Variants in RAB3C observed in about 807,000 individuals in gnomAD.
RAB3C encodes the protein ras-related protein Rab-3C.
Under a neutral mutation model 26.4 loss-of-function variants are expected in RAB3C, and 17 were observed. The observed-to-expected ratio is 0.64, with a 90% confidence interval of 0.44 to 0.97. The LOEUF (loss-of-function observed/expected upper bound fraction) is 0.97. RAB3C is among the 50% of genes least tolerant of loss of function. RAB3C has a pLI of 0.00. For missense variants in RAB3C, 242 were observed against 281.9 expected (o/e 0.86, Z 1.01); for synonymous variants, 91 against 95.9 (o/e 0.95, Z 0.30).
chr5:58,712,097 C>T (rs1749072867), intron 2 of RAB3C, among the ~76,000 whole-genome samples: 1 of 152,174 alleles, frequency 6.6e-6, no homozygotes, highest in African/African-American at 2.4e-5. Flanking sequence ...TGGAAACCTG[C>T]ACCAACCGTC....
In RAB3C at chr5:58,856,958, G is replaced by C. The variant is rs760676420; in HGVS notation, c.*5607G>C. 18 of 152,178 alleles carry C rather than the reference G, an allele frequency of 1.2e-4. No homozygotes were observed. The highest frequency in any genetic ancestry group is 2.1e-4 in the South Asian group (1 of 4,836). 9.4% of individuals were successfully genotyped at this position (152,178 alleles called of 1,614,324 possible). ...TTAATGTCAGACGTGATGTGATACC[G>C]TTAGACTGTCCAAATGTACAACAAT... On this transcript the variant is annotated 3_prime_UTR_variant, in exon 5 of 5. Coordinates refer to ENST00000282878, the MANE Select transcript of RAB3C (RefSeq NM_138453.4).
chr5:58,790,592 A>G (rs1742498601), intron 3 of RAB3C, among the ~76,000 whole-genome samples: 1 of 152,080 alleles, frequency 6.6e-6, no homozygotes, highest in Admixed American at 6.6e-5. Flanking sequence ...TAAAAATCAA[A>G]TCTAATATAT....
chr5:58,823,091 C>T, intron 3 of RAB3C: 1 of 494,966 alleles, frequency 2.0e-6, no homozygotes, highest in South Asian at 1.7e-5. Context: ...TGCAGAAGCG[C>T]ATGGGAAACA....
At chr5:58,671,776 T>C (rs1240973639) in intron 2 of RAB3C, among the ~76,000 whole-genome samples, 2 of 152,206 alleles carry the variant, frequency 1.3e-5, no homozygotes, top group Non-Finnish European at 2.9e-5. Flanking sequence ...GGTGTGCTGA[T>C]AGCCAAGATC....
rs1579881331 is a variant in RAB3C at position 58,725,906 on chromosome 5, T to C, written c.253-96T>C. ...ACAGCTATACACAACAAGTACATTT[T>C]AGACTCTATTGTGACTCTTTTTGGA... On this transcript the variant is annotated intron_variant, in intron 2 of 4. Transcript: ENST00000282878. The C allele has an allele frequency of 6.3e-5, 43 of 679,568 alleles. No individual in the cohort carries two copies. In the South Asian group the frequency reaches 7.4e-4, roughly 12 times the overall value. The allele number at this position is 679,568 out of a possible 1,614,324, so 42.1% of individuals were successfully genotyped here.
At chr5:58,740,960 G>T (rs1235591359) in intron 3 of RAB3C, among the ~76,000 whole-genome samples, 1 of 152,026 alleles carries the variant, frequency 6.6e-6, no homozygotes, top group Non-Finnish European at 1.5e-5. Flanking sequence ...GAGTCCTCAG[G>T]GCCACCCTCA....
intron 3 of RAB3C, among the ~76,000 whole-genome samples, chr5:58,806,585 G>A (rs184932621): frequency 6.6e-6 from 1 of 152,132 alleles, no homozygotes; most frequent in Non-Finnish European, 1.5e-5. Flanking sequence ...CACTATGGAC[G>A]TTTGTTGGGA....
intron 3 of RAB3C, among the ~76,000 whole-genome samples, chr5:58,813,809 A>C (rs1423104709): frequency 1.4e-5 from 1 of 71,760 alleles, no homozygotes; most frequent in Admixed American, 1.1e-4. Context: ...AGGAATGCAG[A>C]AATGAATTTA....
intron 3 of RAB3C, among the ~76,000 whole-genome samples, chr5:58,801,192 T>C (rs1157036): frequency 0.55 from 83,948 of 152,006 alleles, 23,615 homozygotes; most frequent in Middle Eastern, 0.66. Flanking sequence ...ATACAAGCCA[T>C]TGAGGAACTG....
Position 58,634,040 on chromosome 5 carries a change from C to G in RAB3C, c.252+16170C>G, listed in dbSNP as rs1166496036. ...CCTGTAGTCCCAGCTACTCAGGAGG[C>G]TGAGGCAGGAGAATGGCGTCAACCC... On this transcript the variant is annotated intron_variant, in intron 2 of 4. Coordinates refer to ENST00000282878, the MANE Select transcript of RAB3C (RefSeq NM_138453.4). Among the ~76,000 whole-genome samples the G allele has an allele frequency of 2.0e-5, 3 of 151,204 alleles. No individual in the cohort carries two copies. In the East Asian group the frequency reaches 5.8e-4, roughly 29 times the overall value.
At chr5:58,712,611 G>C (rs901042615) in intron 2 of RAB3C, among the ~76,000 whole-genome samples, 1 of 152,086 alleles carries the variant, frequency 6.6e-6, no homozygotes, top group South Asian at 2.1e-4. Context: ...TTCAACCTCT[G>C]CCTCCCGGGT....
Position 58,851,256 on chromosome 5 carries a change from G to A in RAB3C, c.589G>A (p.Glu197Lys). 1 of 1,613,988 alleles carries A rather than the reference G, an allele frequency of 6.2e-7. No individual in the cohort carries two copies. Among genetic ancestry groups the A allele is most frequent in the Non-Finnish European group, 8.5e-7 (1 of 1,179,924 alleles). ...LVDIICDKMS[E>K]SLETDPAITA... is the part of the protein sequence containing the mutation. ...GGATATCATCTGCGACAAAATGTCA[G>A]AGAGTTTGGAGACTGATCCTGCCAT... The change falls in exon 5 of 5, where the codon GAG (glutamate) becomes AAG (lysine). Residue 197 changes from glutamate (E) to lysine (K), a missense_variant. Coordinates refer to ENST00000282878, the MANE Select transcript of RAB3C (RefSeq NM_138453.4).
chr5:58,697,931 A>G (rs1037955389), intron 2 of RAB3C, among the ~76,000 whole-genome samples: 3 of 152,122 alleles, frequency 2.0e-5, no homozygotes, highest in Non-Finnish European at 1.5e-5. Flanking sequence ...TTTAAGGTTA[A>G]TATTGTTATA....
intron 3 of RAB3C, among the ~76,000 whole-genome samples, chr5:58,734,444 A>G (rs1561304145): frequency 6.6e-6 from 1 of 151,660 alleles, no homozygotes; most frequent in Admixed American, 6.6e-5. Flanking sequence ...CTGCCCCCAG[A>G]CTCTCACCAC....
intron 1 of RAB3C, among the ~76,000 whole-genome samples, chr5:58,595,645 CTA>C (rs1252939930): frequency 6.6e-6 from 1 of 152,296 alleles, no homozygotes; most frequent in East Asian, 1.9e-4. Flanking sequence ...TGGCCTCACT[CTA>C]AATATTCTAA....
intron 2 of RAB3C, among the ~76,000 whole-genome samples, chr5:58,650,325 T>G (rs79087773): frequency 0.086 from 13,120 of 151,806 alleles, 650 homozygotes; most frequent in East Asian, 0.18. Flanking sequence ...TCAGAGTCTA[T>G]GAAGAAGGAG....
At chr5:58,690,645 A>G (rs1198654018) in intron 2 of RAB3C, among the ~76,000 whole-genome samples, 1 of 152,170 alleles carries the variant, frequency 6.6e-6, no homozygotes, top group Non-Finnish European at 1.5e-5. Context: ...AGGGCAATCC[A>G]GCTTCTTACG....
intron 2 of RAB3C, among the ~76,000 whole-genome samples, chr5:58,650,165 C>T (rs1334445141): frequency 6.6e-6 from 1 of 152,152 alleles, no homozygotes; most frequent in Non-Finnish European, 1.5e-5. Context: ...AGCCAGGGAC[C>T]TTTTAAATAA....
At chr5:58,640,421 A>T (rs1747391113) in intron 2 of RAB3C, among the ~76,000 whole-genome samples, 1 of 152,182 alleles carries the variant, frequency 6.6e-6, no homozygotes, top group Non-Finnish European at 1.5e-5. Context: ...GGAAGGGAAG[A>T]TTGAGGCTGA....
Sources: allele counts gnomAD v4.1 joint callset (sites outside exome capture counted in the v4.1 genomes callset), GRCh38; gene constraint gnomAD v4.1.1; transcripts MANE v1.5; gene names NCBI Gene and HGNC (gene_info 2026-07-23, HGNC 2026-07-21).